ZNF710: variants seen among roughly 807,000 people sequenced by gnomAD.
ZNF710 encodes zinc finger protein 710.
Under a neutral mutation model 50.6 loss-of-function variants are expected in ZNF710, and 13 were observed. The ratio of observed to expected loss-of-function variants is 0.26; its 90% CI spans 0.17 to 0.41. The LOEUF (loss-of-function observed/expected upper bound fraction) is 0.41, where lower values mean the gene tolerates loss of function less well. ZNF710 is among the 10% of genes least tolerant of loss of function. The pLI is 1.00. For missense variants in ZNF710, 721 were observed against 936.6 expected, an observed-to-expected ratio of 0.77 and a Z score of 3.01; for synonymous variants, 383 against 397.0, an observed-to-expected ratio of 0.96 and a Z score of 0.42.
At chr15:90,012,402 C>T (rs1215062584) in intron 1 of ZNF710, among the ~76,000 whole-genome samples, 3 of 150,884 alleles carry the variant, frequency 2.0e-5, no homozygotes, top group African/African-American at 4.9e-5. Context: ...ACACCATTCC[C>T]CTGGACTACA....
Position 90,067,176 on chromosome 15 carries a change from C to T in ZNF710, c.39C>T (p.Ala13=), listed in dbSNP as rs200185580. ...TGGACTCAGGGACACAGACGGACGCCGTGGTGGTGCTGTCCTTGGCTCAGG... is the reference window on the plus strand; with the variant it reads ...TGGACTCAGGGACACAGACGGACGCTGTGGTGGTGCTGTCCTTGGCTCAGG... The part of the protein sequence containing the change: ...GFMDSGTQTD[A]VVVLSLAQAA... The change falls in exon 2 of 5, where the codon GCC becomes GCT. Residue 13 remains alanine (A), a synonymous_variant. Transcript: ENST00000268154. This position sits in a 1 kb window ranked among gnomAD's most constrained non-coding sequence, Gnocchi z 8.1. 2.1e-5 allele frequency: 34 copies of T among 1,611,628 alleles called. 1 individual carries two copies. The Admixed American group carries it at 2.7e-4, about 13-fold the overall frequency.
At chr15:90,065,836 G>C (rs1361656967) in intron 1 of ZNF710, among the ~76,000 whole-genome samples, 2 of 152,180 alleles carry the variant, frequency 1.3e-5, no homozygotes, top group Non-Finnish European at 2.9e-5. Context: ...CAGTGCTGGA[G>C]GTTGAGACAG....
At position 90,068,510 on chromosome 15, in the gene ZNF710, A is replaced by G. The variant is rs750394052; in HGVS notation, c.1373A>G (p.Gln458Arg). The G allele has an allele frequency of 6.2e-7, 1 of 1,613,664 alleles. No homozygotes were observed. The highest frequency in any genetic ancestry group is 1.1e-5 in the South Asian group (1 of 91,082). Residue 458 changes from glutamine (Q) to arginine (R), a missense_variant, in exon 2 of 5, where the codon CAG becomes CGG. This residue lies in a region of ZNF710 where 326 missense variants were observed against 522.0 expected (regional missense o/e 0.62). Coordinates refer to ENST00000268154, the MANE Select transcript of ZNF710 (RefSeq NM_198526.4). This position sits in a 1 kb window ranked among gnomAD's most constrained non-coding sequence, Gnocchi z 5.0. ...TTGCAGAACCACATGCTCAAGCACC[A>G]GAACGTGCGACCCTTCGTGTGCACT... The part of the protein sequence containing the change: ...SQLQNHMLKH[Q>R]NVRPFVCTEC...
At chr15:90,026,194 G>T (rs896830644) in intron 1 of ZNF710, among the ~76,000 whole-genome samples, 1 of 143,904 alleles carries the variant, frequency 6.9e-6, no homozygotes, top group Non-Finnish European at 1.5e-5. Context: ...CAGTAAAGTA[G>T]CCTAACCCCT....
intron 1 of ZNF710, among the ~76,000 whole-genome samples, chr15:90,061,867 G>C (rs1900017441): frequency 6.6e-6 from 1 of 152,168 alleles, no homozygotes; most frequent in South Asian, 2.1e-4. Context: ...CAGGCGACTT[G>C]CCCAGCCTTT....
At chr15:90,060,805 A>G (rs966746709) in intron 1 of ZNF710, among the ~76,000 whole-genome samples, 7 of 152,192 alleles carry the variant, frequency 4.6e-5, no homozygotes, top group Admixed American at 3.3e-4. Context: ...GCAGTGATCC[A>G]GTATTGCTCC....
upstream of ZNF710, among the ~76,000 whole-genome samples, chr15:90,000,724 G>A (rs1194751575): frequency 6.6e-6 from 1 of 152,192 alleles, no homozygotes; most frequent in Non-Finnish European, 1.5e-5. Flanking sequence ...CACCCAGCTT[G>A]CCACCTCTGG....
rs1900055892 is a variant in ZNF710 at position 90,062,935 on chromosome 15, A to G, written c.-28-4175A>G. Among the ~76,000 whole-genome samples, 1 of 152,184 alleles carries G rather than the reference A, an allele frequency of 6.6e-6. No homozygotes were observed. Among genetic ancestry groups the G allele is most frequent in the Non-Finnish European group, 1.5e-5 (1 of 68,018 alleles). On this transcript the variant is annotated intron_variant, in intron 1 of 4. Coordinates refer to ENST00000268154, the MANE Select transcript of ZNF710 (RefSeq NM_198526.4). This position sits in a 1 kb window ranked among gnomAD's most constrained non-coding sequence, Gnocchi z 5.6. ...CCATAAGCCTCACAAAGAGAGCATT[A>G]CAGGGTGGTGTGTGTTCTACTCAGC...
intron 1 of ZNF710, among the ~76,000 whole-genome samples, chr15:90,056,180 C>G (rs368018595): frequency 6.6e-6 from 1 of 151,632 alleles, no homozygotes; most frequent in Non-Finnish European, 1.5e-5. Flanking sequence ...GAGGCCGAGG[C>G]GGGTGGATCA....
intron 1 of ZNF710, chr15:90,025,152 G>A (rs182720559): frequency 6.6e-6 from 1 of 152,212 alleles, no homozygotes; most frequent in African/African-American, 2.4e-5. Context: ...AGTTCTCCGG[G>A]GCACCCCTGA....
chr15:90,045,752 A>G (rs141788132), intron 1 of ZNF710, among the ~76,000 whole-genome samples: 2 of 152,218 alleles, frequency 1.3e-5, no homozygotes, highest in East Asian at 3.9e-4. Flanking sequence ...GCCCCAGTTT[A>G]GGGGGTGGAG....
At chr15:90,004,949 A>G (rs189254724) in intron 1 of ZNF710, among the ~76,000 whole-genome samples, 6 of 152,364 alleles carry the variant, frequency 3.9e-5, no homozygotes, top group East Asian at 1.9e-4. Flanking sequence ...AAGTCCAACA[A>G]TCAGAGAAGC....
At chr15:90,035,868 A>C (rs1011355860) in intron 1 of ZNF710, among the ~76,000 whole-genome samples, 6 of 152,230 alleles carry the variant, frequency 3.9e-5, no homozygotes, top group African/African-American at 1.4e-4. Flanking sequence ...AAAGAACAGC[A>C]GAGCACGAAA....
rs191180813 is a variant in ZNF710, at chr15:90,008,024, T to C, written c.-29+6410T>C. On this transcript the variant is annotated intron_variant, in intron 1 of 4. Coordinates refer to ENST00000268154, the MANE Select transcript of ZNF710 (RefSeq NM_198526.4). ...AAGGCTAAATTAAAAATTCTAGAATTGGAAAGAAGGCACTTGAAGAATTGC... is the reference window on the plus strand; with the variant it reads ...AAGGCTAAATTAAAAATTCTAGAATCGGAAAGAAGGCACTTGAAGAATTGC... 9.9e-4 allele frequency among the ~76,000 whole-genome samples: 150 copies of C among 152,030 alleles called. 1 individual carries two copies. Among genetic ancestry groups the C allele is most frequent in the Middle Eastern group, 3.4e-3 (1 of 294 alleles).
chr15:90,061,145 TTGCTTTTTCTTTATTTCTA>T (rs1256289988), intron 1 of ZNF710, among the ~76,000 whole-genome samples: 1 of 151,230 alleles, frequency 6.6e-6, no homozygotes, highest in Non-Finnish European at 1.5e-5. Flanking sequence ...GTTTGCTTGC[TTGCTTTTTCTTTATTTCTA>T]TACTTTTTTT....
chr15:90,060,851 G>A (rs1352590439), intron 1 of ZNF710, among the ~76,000 whole-genome samples: 1 of 152,114 alleles, frequency 6.6e-6, no homozygotes, highest in East Asian at 1.9e-4. Flanking sequence ...GCAAGACACT[G>A]TCTCAAAAAA....
In ZNF710 at chr15:90,079,797, A is replaced by T; in HGVS notation, c.1963A>T (p.Met655Leu). ...GGCCAGTGTCCTCACTGAACAGGCC[A>T]TGAAAGAGATGGCCTACTACAATGT... is the stretch of plus-strand genomic sequence containing the variant. The part of the protein sequence containing the change: ...AEASVLTEQA[M>L]KEMAYYNVL Residue 655 changes from methionine (M) to leucine (L), a missense_variant, in exon 5 of 5, where the codon ATG becomes TTG. Physicochemically the swap from Met to Leu is conservative, Grantham distance 15. Coordinates refer to ENST00000268154, the MANE Select transcript of ZNF710 (RefSeq NM_198526.4). The T allele has an allele frequency of 6.2e-7, 1 of 1,608,692 alleles. No individual in the cohort carries two copies. Among genetic ancestry groups the T allele is most frequent in the Non-Finnish European group, 8.5e-7 (1 of 1,178,424 alleles).
At chr15:90,001,794 C>G (rs1898018253) in intron 1 of ZNF710, among the ~76,000 whole-genome samples, 180 bp downstream of exon 1, 1 of 146,102 alleles carries the variant, frequency 6.8e-6, no homozygotes, top group Non-Finnish European at 1.5e-5. Context: ...AACATGTCGT[C>G]TTTTCCTTTC....
At position 90,012,601 on chromosome 15, in the gene ZNF710, G is replaced by A. The variant is rs1009089618; in HGVS notation, c.-29+10987G>A. ...TTCATTTTTAATCTTTTTTTATTCC[G>A]GGTGTTTTCAGGGTAATTTTTTTTT... On this transcript the variant is annotated intron_variant, in intron 1 of 4. Transcript: ENST00000268154. Among the ~76,000 whole-genome samples the A allele has an allele frequency of 1.2e-4, 18 of 151,972 alleles. No individual in the cohort carries two copies. The South Asian group carries it at 3.1e-3, about 26-fold the overall frequency.
Sources: gnomAD v4.1 joint callset for allele counts (sites outside exome capture counted in the v4.1 genomes callset) on GRCh38, gnomAD v4.1.1 for gene constraint, gnomAD v4.1.1 regional missense constraint, Gnocchi (gnomAD v3.1) non-coding constraint, MANE v1.5 for transcripts, NCBI Gene and HGNC (gene_info 2026-07-23, HGNC 2026-07-21) for gene names.